Variants in TAF1 observed in about 807,000 individuals in gnomAD.
The protein encoded by TAF1 is TATA-box binding protein associated factor 1, also known as transcription initiation factor TFIID subunit 1.
Under a neutral mutation model 138.5 loss-of-function variants are expected in TAF1, and 2 were observed. That is an observed-to-expected ratio of 0.01 (90% confidence interval 0.01 to 0.05). The LOEUF (loss-of-function observed/expected upper bound fraction) is 0.05. TAF1 is among the 10% of genes least tolerant of loss of function. The pLI is 1.00. For synonymous variants in TAF1, 437 were observed against 503.2 expected, an observed-to-expected ratio of 0.87 and a Z score of 1.76; for missense variants, 709 against 1,478.0, an observed-to-expected ratio of 0.48 and a Z score of 8.53.
downstream of TAF1, among the ~76,000 whole-genome samples, chrX:71,467,398 A>G (rs1242590685): frequency 9.1e-6 from 1 of 109,574 alleles, no homozygotes; most frequent in African/African-American, 3.3e-5. Flanking sequence ...GCATGCTACC[A>G]CTCCTGGCTT....
At chrX:71,488,115 T>C (rs774689520) in intron 13 of TAF1, among the ~76,000 whole-genome samples, 81 of 111,611 alleles carry the variant, frequency 7.3e-4, no homozygotes, top group Non-Finnish European at 1.3e-3. Flanking sequence ...CCCAGTGTTT[T>C]ATGAAGTTTT....
intron 25 of TAF1, among the ~76,000 whole-genome samples, chrX:71,404,485 G>A (rs1344218739): frequency 1.8e-5 from 2 of 110,047 alleles, no homozygotes; most frequent in African/African-American, 3.3e-5. Flanking sequence ...CTACAGGCAC[G>A]TGCCACCTTG....
At chrX:71,451,463 T>A (rs1360050229) in intron 32 of TAF1, among the ~76,000 whole-genome samples, 1 of 110,294 alleles carries the variant, frequency 9.1e-6, no homozygotes, top group Admixed American at 9.6e-5. Flanking sequence ...AGTTGGTTTG[T>A]TTTTATTTTT....
chrX:71,526,058 G>A (rs990432219), intron 13 of TAF1, among the ~76,000 whole-genome samples: 1 of 111,164 alleles, frequency 9.0e-6, no homozygotes, highest in Non-Finnish European at 1.9e-5. Context: ...AGTAGGGAGG[G>A]CAGGGGTCAA....
intron 20 of TAF1, 77 bp from the exon 21 acceptor site, chrX:71,393,224 T>TTA (rs2034663219): frequency 1.3e-6 from 1 of 766,276 alleles, no homozygotes; most frequent in African/African-American, 2.5e-5. Flanking sequence ...CCTGAATGAT[T>TTA]TGTGTGTGTG....
chrX:71,459,163 G>A (rs747490965), intron 35 of TAF1: 8 of 1,073,628 alleles, frequency 7.5e-6, no homozygotes, highest in South Asian at 1.8e-5. Context: ...CGCCAGGGCC[G>A]AGGTAGGCTG....
chrX:71,489,030 G>A (rs2039225590), intron 13 of TAF1, among the ~76,000 whole-genome samples: 1 of 105,073 alleles, frequency 9.5e-6, no homozygotes, highest in East Asian at 3.0e-4. Context: ...TCGCACCACT[G>A]CACTCCAGCC....
intron 8 of TAF1, among the ~76,000 whole-genome samples, chrX:71,379,477 G>T (rs1416683543): frequency 9.1e-6 from 1 of 109,633 alleles, no homozygotes; most frequent in Non-Finnish European, 1.9e-5. Context: ...CCTAATTCTA[G>T]TCCCTGTAAT....
chrX:71,422,924 AGTAGAGACGGG>A (rs767655293), intron 29 of TAF1, among the ~76,000 whole-genome samples, 182 bp from the exon 30 acceptor site: 4 of 109,112 alleles, frequency 3.7e-5, no homozygotes, highest in Admixed American at 2.9e-4. Context: ...TTGTATTTTT[AGTAGAGACGGG>A]GTTTCACCGT....
chrX:71,524,116 G>A (rs1037694594), intron 13 of TAF1, among the ~76,000 whole-genome samples: 1 of 106,514 alleles, frequency 9.4e-6, no homozygotes, highest in Admixed American at 1.0e-4. Flanking sequence ...CGACCTCCCA[G>A]GCTCAAGTGA....
At position 71,384,925 on chromosome X, in the gene TAF1, G is replaced by T. The variant is rs759622166; in HGVS notation, c.2122-20G>T. 12 of 1,125,521 alleles carry T rather than the reference G, an allele frequency of 1.1e-5. No individual in the cohort carries two copies. Among genetic ancestry groups the T allele is most frequent in the Non-Finnish European group, 1.3e-5 (11 of 821,252 alleles). 92.8% of individuals were successfully genotyped at this position (1,125,521 alleles called of 1,213,427 possible). On this transcript the variant is annotated intron_variant, in intron 13 of 37. Coordinates refer to ENST00000423759, the MANE Select transcript of TAF1 (RefSeq NM_004606.5). ...TTATTGATATATTCTAAATAACTGG[G>T]TCTTCTGTGTTCCTTATAGAAACCT... is the stretch of plus-strand genomic sequence containing the variant.
downstream of TAF1, among the ~76,000 whole-genome samples, chrX:71,467,438 C>A (rs2038788557): frequency 9.0e-6 from 1 of 111,287 alleles, no homozygotes; most frequent in African/African-American, 3.3e-5. Flanking sequence ...GCCAGTTTTT[C>A]TTGAGTTTAT....
chrX:71,482,190 G>T (rs952249060), intron 13 of TAF1, among the ~76,000 whole-genome samples: 23 of 112,045 alleles, frequency 2.1e-4, no homozygotes, highest in Admixed American at 1.1e-3. Flanking sequence ...TATCATGAAA[G>T]CACAAGCTTT....
At position 71,388,881 on chromosome X, in the gene TAF1, C is replaced by T; in HGVS notation, c.2700+13C>T. The T allele has an allele frequency of 6.7e-6, 8 of 1,195,151 alleles. No homozygotes were observed. The highest frequency in any genetic ancestry group is 9.0e-6 in the Non-Finnish European group (8 of 886,063). ...GCAACGACTGAAGGTGAACACCTTC[C>T]TCTTAGACACCACTTATGCCTGTGG... is the stretch of plus-strand genomic sequence containing the variant. On this transcript the variant is annotated intron_variant, in intron 17 of 37. Coordinates refer to ENST00000423759, the MANE Select transcript of TAF1 (RefSeq NM_004606.5).
At chrX:71,503,347 T>TATATATATATATATACAC (rs2039559243) in intron 13 of TAF1, among the ~76,000 whole-genome samples, 1 of 94,547 alleles carries the variant, frequency 1.1e-5, no homozygotes, top group Non-Finnish European at 2.0e-5. Flanking sequence ...TATATATGTG[T>TATATATATATATATACAC]ATATATATAT....
intron 13 of TAF1, among the ~76,000 whole-genome samples, chrX:71,490,620 AT>A (rs2039257092): frequency 9.0e-6 from 1 of 111,523 alleles, no homozygotes; most frequent in Non-Finnish European, 1.9e-5. Context: ...CTACAAAGCT[AT>A]GGTAACCAAA....
At chrX:71,406,872 A>G (rs1286616442) in intron 26 of TAF1, 126 bp downstream of exon 26, 1 of 432,702 alleles carries the variant, frequency 2.3e-6, no homozygotes, top group Non-Finnish European at 3.7e-6. Context: ...TGTACTGTTC[A>G]TTATAAGATT....
intron 12 of TAF1, among the ~76,000 whole-genome samples, chrX:71,383,485 T>C (rs776630962): frequency 1.3e-4 from 15 of 112,414 alleles, no homozygotes; most frequent in Non-Finnish European, 2.4e-4. Flanking sequence ...TCGTTATCTC[T>C]GGGAGATTGG....
At chrX:71,478,724 G>A (rs1438563870) in intron 13 of TAF1, among the ~76,000 whole-genome samples, 1 of 111,935 alleles carries the variant, frequency 8.9e-6, no homozygotes, top group Non-Finnish European at 1.9e-5. Context: ...AAAAAAATAT[G>A]TAAGACAATA....
Sources: allele counts gnomAD v4.1 joint callset (sites outside exome capture counted in the v4.1 genomes callset), GRCh38; gene constraint gnomAD v4.1.1; transcripts MANE v1.5; gene names NCBI Gene and HGNC (gene_info 2026-07-23, HGNC 2026-07-21).